The following EXD3 variants were observed in gnomAD, a reference collection of about 807,000 sequenced individuals.
EXD3 encodes exonuclease mut-7 homolog.
EXD3 carries 92 observed loss-of-function variants against 98.0 expected under a neutral mutation model. That is an observed-to-expected ratio of 0.94 (90% CI 0.79 to 1.12). EXD3 has a LOEUF of 1.12. EXD3 is among the 50% of genes most tolerant of loss of function. The probability of loss-of-function intolerance (pLI) is 0.00; values close to 1 mark genes in which losing one functional copy is unlikely to be tolerated. For missense variants in EXD3, 1,222 were observed against 1,191.6 expected (o/e 1.03, Z -0.38); for synonymous variants, 569 against 526.0 (o/e 1.08, Z -1.12).
At chr9:137,343,521 T>G (rs1833755958) in intron 17 of EXD3, 1 of 148,018 alleles carries the variant, frequency 6.8e-6, no homozygotes, top group African/African-American at 2.5e-5. Context: ...ATTAAGGGTA[T>G]CCCATGGCAA....
chr9:137,346,378 C>T (rs540481778), intron 17 of EXD3, among the ~76,000 whole-genome samples: 10 of 151,896 alleles, frequency 6.6e-5, no homozygotes, highest in South Asian at 4.2e-4. Flanking sequence ...GGATGGATTC[C>T]GCCCTCTCCA....
chr9:137,312,682 G>A lies in EXD3; in HGVS notation c.2185-2982C>T, dbSNP rs141419761. Among the ~76,000 whole-genome samples, 22 of 152,278 alleles carry A rather than the reference G, an allele frequency of 1.4e-4. No individual in the cohort carries two copies. The East Asian group carries it at 4.1e-3, about 28-fold the overall frequency. On this transcript the variant is annotated intron_variant, in intron 19 of 21. Coordinates refer to ENST00000340951, the MANE Select transcript of EXD3 (RefSeq NM_017820.5). ...CTGGGGAGGCGCACTCAGGACCAAG[G>A]CAGAGGCCAAGATGTGTTAGGGTGG... is the stretch of plus-strand genomic sequence containing the variant.
intron 20 of EXD3, among the ~76,000 whole-genome samples, chr9:137,309,274 CGT>C (rs140013861): frequency 6.6e-6 from 1 of 151,950 alleles, no homozygotes; most frequent in Admixed American, 6.5e-5. Context: ...TGTAGGTGCA[CGT>C]GTGTGTGTGT....
intron 1 of EXD3, among the ~76,000 whole-genome samples, chr9:137,412,581 G>C (rs955380293): frequency 4.6e-5 from 7 of 152,056 alleles, no homozygotes; most frequent in African/African-American, 1.7e-4. Context: ...GGACAGGGTG[G>C]ATACCCCAGA....
rs999346699 is a variant in EXD3, at chr9:137,358,435, C to T, written c.657-2067G>A. ...GGAGACCCTGTTTCCAGCCCAGCTT[C>T]TTGGAGGAATCTGGGCCTCCACTTC... is the stretch of plus-strand genomic sequence containing the variant. On this transcript the variant is annotated intron_variant, in intron 7 of 21. Coordinates refer to ENST00000340951, the MANE Select transcript of EXD3 (RefSeq NM_017820.5). Among the ~76,000 whole-genome samples the T allele has an allele frequency of 3.4e-4, 51 of 152,184 alleles. 1 individual carries two copies. Among genetic ancestry groups the T allele is most frequent in the Non-Finnish European group, 3.1e-4 (21 of 68,034 alleles).
chr9:137,355,340 C>A (rs375469958), intron 8 of EXD3, among the ~76,000 whole-genome samples: 1 of 151,958 alleles, frequency 6.6e-6, no homozygotes. Flanking sequence ...AGCGGGGTGC[C>A]GACCTTTCAG....
chr9:137,404,062 C>G (rs1395646646), intron 1 of EXD3, among the ~76,000 whole-genome samples: 1 of 152,174 alleles, frequency 6.6e-6, no homozygotes, highest in East Asian at 1.9e-4. Flanking sequence ...CCCTGGGTCT[C>G]CTCCCTGGGT....
chr9:137,329,463 GAGCTACACGGGA>G (rs1564479485), intron 17 of EXD3, among the ~76,000 whole-genome samples: 1 of 5,736 alleles, frequency 1.7e-4, no homozygotes, highest in Admixed American at 1.9e-3. Flanking sequence ...GGCTACACGG[GAGCTACACGGGA>G]GCTACACGGG....
intron 1 of EXD3, among the ~76,000 whole-genome samples, chr9:137,421,218 C>T (rs1284000541): frequency 1.3e-5 from 2 of 152,152 alleles, no homozygotes; most frequent in Non-Finnish European, 2.9e-5. Context: ...GTTATGACGC[C>T]AGCACATTAC....
intron 2 of EXD3, among the ~76,000 whole-genome samples, chr9:137,391,636 T>C (rs957902955): frequency 1.9e-5 from 2 of 102,922 alleles, no homozygotes; most frequent in African/African-American, 7.6e-5. Flanking sequence ...CCGGCCTCCC[T>C]GCCCCGCCCC....
intron 3 of EXD3, among the ~76,000 whole-genome samples, chr9:137,380,153 T>C (rs1345602405): frequency 2.6e-5 from 4 of 151,866 alleles, no homozygotes; most frequent in Admixed American, 2.6e-4. Flanking sequence ...GGGGTCCCTG[T>C]GAAGGAAGCC....
rs777483211 is a variant in EXD3 at position 137,373,379 on chromosome 9, G to A, written c.294+47C>T. 6.3e-6 allele frequency: 10 copies of A among 1,586,168 alleles called. No homozygotes were observed. In the Admixed American group the frequency reaches 6.8e-5, roughly 11 times the overall value. Reference sequence around the variant, plus strand: ...GGATGCCGGGTCCACTATGCTGAGGGGCAGGGGCAGGAAGGGAGGTGACTG... The same window carrying A: ...GGATGCCGGGTCCACTATGCTGAGGAGCAGGGGCAGGAAGGGAGGTGACTG... On this transcript the variant is annotated intron_variant, in intron 4 of 21. Transcript: ENST00000340951.
chr9:137,394,108 C>T (rs1415681168), intron 2 of EXD3, among the ~76,000 whole-genome samples: 1 of 152,134 alleles, frequency 6.6e-6, no homozygotes, highest in African/African-American at 2.4e-5. Flanking sequence ...CACTCCTTCC[C>T]AGCCGCCGCT....
At chr9:137,402,652 A>G (rs1015661022) in intron 1 of EXD3, among the ~76,000 whole-genome samples, 1 of 151,826 alleles carries the variant, frequency 6.6e-6, no homozygotes, top group Non-Finnish European at 1.5e-5. Context: ...AACTGTTCCA[A>G]CCTCTGCCTG....
intron 3 of EXD3, chr9:137,374,645 G>C: frequency 1.0e-6 from 1 of 985,560 alleles, no homozygotes; most frequent in East Asian, 1.1e-4. Context: ...CGCTGTCCAG[G>C]AGGGTGCCAT....
intron 11 of EXD3, 150 bp downstream of exon 11, chr9:137,352,470 G>A: frequency 2.1e-6 from 2 of 949,494 alleles, no homozygotes; most frequent in Non-Finnish European, 3.0e-6. Flanking sequence ...CTGCTGTCTT[G>A]TCTGCTCTGT....
intron 1 of EXD3, among the ~76,000 whole-genome samples, chr9:137,400,171 G>A (rs1460254746): frequency 1.3e-5 from 2 of 152,038 alleles, no homozygotes; most frequent in African/African-American, 4.8e-5. Flanking sequence ...ACTCCCCCTG[G>A]GTCCCTCCCA....
In EXD3 at chr9:137,390,256, C is replaced by T. The variant is rs1836832391; in HGVS notation, c.55+5047G>A. 2.0e-5 allele frequency among the ~76,000 whole-genome samples: 3 copies of T among 150,496 alleles called. No homozygotes were observed. The South Asian group carries it at 6.3e-4, about 31-fold the overall frequency. On this transcript the variant is annotated intron_variant, in intron 2 of 21. Transcript: ENST00000340951. Reference sequence around the variant, plus strand: ...CCATCCTGGCTAACATGGTGAAACCCCATCTCTACTAAAAAAATACAAAAA... The same window carrying T: ...CCATCCTGGCTAACATGGTGAAACCTCATCTCTACTAAAAAAATACAAAAA...
At position 137,407,315 on chromosome 9, in the gene EXD3, G is replaced by A. The variant is rs965726563; in HGVS notation, c.-47-11911C>T. On this transcript the variant is annotated intron_variant, in intron 1 of 21. Coordinates refer to ENST00000340951, the MANE Select transcript of EXD3 (RefSeq NM_017820.5). This position sits in a 1 kb window ranked among gnomAD's most constrained non-coding sequence, Gnocchi z 4.4. ...GCCCGGCGGCCGCGGCGAACACGGG[G>A]CGGCCCCTCCACCTCTGTCCGCCTG... Among the ~76,000 whole-genome samples, 37 of 152,300 alleles carry A rather than the reference G, an allele frequency of 2.4e-4. No homozygotes were observed. The highest frequency in any genetic ancestry group is 6.7e-4 in the African/African-American group (28 of 41,570).
Sources: allele counts gnomAD v4.1 joint callset (sites outside exome capture counted in the v4.1 genomes callset), GRCh38; gene constraint gnomAD v4.1.1; non-coding constraint Gnocchi (gnomAD v3.1); transcripts MANE v1.5; gene names NCBI Gene and HGNC (gene_info 2026-07-23, HGNC 2026-07-21).